The following DDC variants were observed in gnomAD, a reference collection of about 807,000 sequenced individuals.
DDC encodes dopa decarboxylase.
A neutral mutation model predicts 60.0 loss-of-function variants in DDC; 43 were observed. The ratio of observed to expected loss-of-function variants is 0.72; its 90% CI spans 0.56 to 0.92. DDC has a LOEUF of 0.92. Ranked by LOEUF, DDC falls within the 40% of genes least tolerant of loss-of-function variation. The pLI, the probability that DDC is intolerant of heterozygous loss-of-function variation, is 0.00. For synonymous variants in DDC, 232 were observed against 234.6 expected (o/e 0.99, Z 0.10); for missense variants, 573 against 620.2 (o/e 0.92, Z 0.81).
intron 11 of DDC, among the ~76,000 whole-genome samples, chr7:50,472,310 T>C (rs1395852275): frequency 6.6e-6 from 1 of 152,146 alleles, no homozygotes. Flanking sequence ...CTTAAATAAA[T>C]CAGGAGTAAA....
chr7:50,504,535 CTAAT>C (rs1276846024), intron 6 of DDC, among the ~76,000 whole-genome samples: 6 of 150,008 alleles, frequency 4.0e-5, no homozygotes, highest in Non-Finnish European at 7.4e-5. Flanking sequence ...TAATTATAAT[CTAAT>C]TAAATTTATA....
In DDC at chr7:50,498,724, C is replaced by G. The variant is rs11575397; in HGVS notation, c.876+424G>C. Reference sequence around the variant, plus strand: ...GCATTTAAATGCATTGGTAGCTTCTCGTTCAATATTGGTTAAAGTGAATAT... The same window carrying G: ...GCATTTAAATGCATTGGTAGCTTCTGGTTCAATATTGGTTAAAGTGAATAT... On this transcript the variant is annotated intron_variant, in intron 8 of 14. Transcript: ENST00000444124. Among the ~76,000 whole-genome samples, 14 of 152,306 alleles carry G rather than the reference C, an allele frequency of 9.2e-5. 1 individual carries two copies. The South Asian group carries it at 2.9e-3, about 32-fold the overall frequency.
intron 6 of DDC, among the ~76,000 whole-genome samples, chr7:50,522,606 G>A (rs2043925857): frequency 6.6e-6 from 1 of 152,214 alleles, no homozygotes. Context: ...CCGCACAAAT[G>A]AAGTCAACTG....
chr7:50,562,842 T>C (rs1416020087), intron 1 of DDC, among the ~76,000 whole-genome samples: 1 of 152,230 alleles, frequency 6.6e-6, no homozygotes, highest in Non-Finnish European at 1.5e-5. Flanking sequence ...TTGTTTTTCT[T>C]TGATACATGA....
At chr7:50,540,689 G>A in intron 2 of DDC, among the ~76,000 whole-genome samples, 1 of 152,152 alleles carries the variant, frequency 6.6e-6, no homozygotes, top group East Asian at 1.9e-4. Context: ...ATTTGCCCTG[G>A]CTAGGGGCAT....
chr7:50,533,140 C>T (rs1407973223), intron 4 of DDC, among the ~76,000 whole-genome samples: 6 of 152,098 alleles, frequency 3.9e-5, no homozygotes, highest in Non-Finnish European at 7.4e-5. Flanking sequence ...ATAAGGAAAG[C>T]ACCATGCAGA....
At chr7:50,556,472 G>A (rs778303121) in intron 1 of DDC, among the ~76,000 whole-genome samples, 2 of 152,126 alleles carry the variant, frequency 1.3e-5, no homozygotes, top group Non-Finnish European at 2.9e-5. Flanking sequence ...TGCAGGCAAG[G>A]ATTTCAACAT....
rs1405325780 is a variant in DDC, at chr7:50,495,351, A to T, written c.943T>A (p.Trp315Arg). 3 of 1,611,796 alleles carry T rather than the reference A, an allele frequency of 1.9e-6. No individual in the cohort carries two copies. The South Asian group carries it at 3.3e-5, about 18-fold the overall frequency. Reference sequence around the variant, plus strand: ...ACATCTGTGAGCAGGGAAACTTACCACATGGCAGAACAGTCAAAATTCACC... The same window carrying T: ...ACATCTGTGAGCAGGGAAACTTACCTCATGGCAGAACAGTCAAAATTCACC... The part of the protein sequence containing the change: ...LLVNFDCSAM[W>R]VKKRTDLTGA... The change falls in exon 9 of 15, where the codon TGG becomes AGG. Residue 315 changes from tryptophan to arginine, a missense_variant and splice_region_variant. Transcript: ENST00000444124.
intron 11 of DDC, 91 bp downstream of exon 11, chr7:50,476,533 A>G (rs2042647479): frequency 2.5e-6 from 3 of 1,210,226 alleles, no homozygotes; most frequent in Non-Finnish European, 3.7e-6. Context: ...CGTGCTGATC[A>G]TGAGAGTGGG....
At chr7:50,525,074 G>A (rs1585230245) in intron 6 of DDC, among the ~76,000 whole-genome samples, 1 of 152,164 alleles carries the variant, frequency 6.6e-6, no homozygotes, top group African/African-American at 2.4e-5. Flanking sequence ...AGTGAGAAAA[G>A]CTGATCTTGA....
At chr7:50,479,193 C>T (rs10899735) in intron 10 of DDC, among the ~76,000 whole-genome samples, 83,848 of 152,044 alleles carry the variant, frequency 0.55, 23,325 homozygotes, top group Admixed American at 0.62. Context: ...TGATGCCACT[C>T]GATAACTGCC....
chr7:50,477,902 T>A (rs2042682164), intron 10 of DDC, among the ~76,000 whole-genome samples: 1 of 151,930 alleles, frequency 6.6e-6, no homozygotes, highest in African/African-American at 2.4e-5. Context: ...CAGAAAGCAC[T>A]CAGTAAGAAA....
At chr7:50,534,568 G>C (rs2153547450) in intron 4 of DDC, among the ~76,000 whole-genome samples, 1 of 151,780 alleles carries the variant, frequency 6.6e-6, no homozygotes, top group Admixed American at 6.6e-5. Context: ...CTGCACTCCA[G>C]CCTGGGCGAC....
intron 9 of DDC, among the ~76,000 whole-genome samples, chr7:50,483,899 A>G (rs1243474611): frequency 4.2e-5 from 4 of 95,650 alleles, no homozygotes; most frequent in South Asian, 6.2e-4. Flanking sequence ...GCAAGATTCC[A>G]TCTCAAAAAA....
intron 11 of DDC, among the ~76,000 whole-genome samples, chr7:50,476,348 C>T (rs796914541): frequency 5.6e-4 from 86 of 152,302 alleles, no homozygotes; most frequent in African/African-American, 2.0e-3. Context: ...CCTTTTCCTT[C>T]CAGAGGAATG....
intron 3 of DDC, 65 bp downstream of exon 3, chr7:50,539,850 C>T (rs1056739679): frequency 6.4e-6 from 8 of 1,246,770 alleles, no homozygotes; most frequent in African/African-American, 3.0e-5. Flanking sequence ...GCATAGGTAC[C>T]GTGTCCCCAC....
intron 14 of DDC, among the ~76,000 whole-genome samples, chr7:50,462,728 T>G (rs1275520780): frequency 6.6e-6 from 1 of 151,870 alleles, no homozygotes; most frequent in Non-Finnish European, 1.5e-5. Flanking sequence ...GTATCATTCC[T>G]TCTACTTCTC....
intron 10 of DDC, among the ~76,000 whole-genome samples, chr7:50,478,456 G>A (rs1251644993): frequency 1.3e-5 from 2 of 152,188 alleles, no homozygotes; most frequent in Non-Finnish European, 2.9e-5. Context: ...ATTGGGTGGT[G>A]CAGAATTATA....
chr7:50,515,602 G>A (rs2043705121), intron 6 of DDC, among the ~76,000 whole-genome samples: 1 of 152,230 alleles, frequency 6.6e-6, no homozygotes, highest in Non-Finnish European at 1.5e-5. Context: ...AAAATTGAAT[G>A]TAAATGACCT....
Sources: gnomAD v4.1 joint callset for allele counts (sites outside exome capture counted in the v4.1 genomes callset) on GRCh38, gnomAD v4.1.1 for gene constraint, MANE v1.5 for transcripts, NCBI Gene and HGNC (gene_info 2026-07-23, HGNC 2026-07-21) for gene names.